CSMD3: variants seen among roughly 807,000 people sequenced by gnomAD.
CSMD3 encodes CUB and sushi domain-containing protein 3.
A neutral mutation model predicts 435.2 loss-of-function variants in CSMD3; 177 were observed. The ratio of observed to expected loss-of-function variants is 0.41; its 90% CI spans 0.36 to 0.46. The LOEUF is 0.46. CSMD3 is among the 20% of genes least tolerant of loss of function. The pLI is 0.34. For synonymous variants in CSMD3, 1,656 were observed against 1,520.5 expected (o/e 1.09, Z -2.07); for missense variants, 4,265 against 4,504.6 (o/e 0.95, Z 1.52).
chr8:112,420,009 T>C (rs1308753444), intron 32 of CSMD3, among the ~76,000 whole-genome samples: 2 of 152,230 alleles, frequency 1.3e-5, no homozygotes, highest in African/African-American at 4.8e-5. Context: ...TCAATTTGAA[T>C]GTGTGCTTTT....
rs868644256 is a variant in CSMD3 at position 112,304,824 on chromosome 8, T to G, written c.8163A>C (p.Val2721=). 1.9e-6 allele frequency: 3 copies of G among 1,613,876 alleles called. No individual in the cohort carries two copies. Among genetic ancestry groups the G allele is most frequent in the Middle Eastern group, 3.3e-4 (2 of 6,060 alleles). ...GATAACCAGGGTCACAGCTGAAAAC[T>G]ACTTTGGTTTTGTATTCATAATGGG... ...NGSHYEYKTK[V]VFSCDPGYHG... The change falls in exon 52 of 71, where the codon GTA becomes GTC. Residue 2721 remains valine, a synonymous_variant. Transcript: ENST00000297405.
intron 11 of CSMD3, among the ~76,000 whole-genome samples, chr8:112,832,600 CT>C (rs1369561462): frequency 6.6e-6 from 1 of 152,086 alleles, no homozygotes; most frequent in East Asian, 1.9e-4. Context: ...CCTTTAGGAG[CT>C]GAGGGCCTAA....
chr8:113,068,628 T>A (rs1235159421), intron 5 of CSMD3, among the ~76,000 whole-genome samples: 6 of 152,090 alleles, frequency 3.9e-5, no homozygotes, highest in Non-Finnish European at 5.9e-5. Flanking sequence ...GAAGTACAAA[T>A]TAAGAGGTCC....
At chr8:112,331,430 G>A (rs1008685793) in intron 45 of CSMD3, among the ~76,000 whole-genome samples, 25 of 151,906 alleles carry the variant, frequency 1.6e-4, no homozygotes, top group African/African-American at 6.0e-4. Flanking sequence ...TCATTGCAGA[G>A]AGCTTTCATT....
chr8:113,215,561 T>G (rs896867892), intron 3 of CSMD3, among the ~76,000 whole-genome samples: 22 of 151,902 alleles, frequency 1.4e-4, no homozygotes, highest in Non-Finnish European at 1.8e-4. Flanking sequence ...TCAGACAGAC[T>G]TTGGATCATT....
chr8:112,804,910 G>A (rs1444016893), intron 12 of CSMD3, among the ~76,000 whole-genome samples: 13 of 151,964 alleles, frequency 8.6e-5, no homozygotes, highest in Admixed American at 5.2e-4. Context: ...TGATCTGCCC[G>A]CCTCAGCCTC....
intron 32 of CSMD3, among the ~76,000 whole-genome samples, chr8:112,455,853 G>T (rs1816783629): frequency 6.6e-6 from 1 of 151,772 alleles, no homozygotes. Flanking sequence ...TGTAGATGAT[G>T]CAAGCTGGGA....
At chr8:112,323,411 T>C (rs1020963951) in intron 45 of CSMD3, among the ~76,000 whole-genome samples, 1 of 152,102 alleles carries the variant, frequency 6.6e-6, no homozygotes, top group Admixed American at 6.6e-5. Flanking sequence ...CTAAAATTCA[T>C]GCCTTTCCTG....
chr8:113,352,967 T>C (rs1408914144), intron 1 of CSMD3, among the ~76,000 whole-genome samples: 1 of 152,136 alleles, frequency 6.6e-6, no homozygotes, highest in East Asian at 1.9e-4. Flanking sequence ...AAAGAGGTGA[T>C]ACTAATTACT....
chr8:113,191,243 T>C (rs2092580647), intron 3 of CSMD3, among the ~76,000 whole-genome samples: 1 of 151,798 alleles, frequency 6.6e-6, no homozygotes, highest in Non-Finnish European at 1.5e-5. Context: ...TAGAAATGTT[T>C]TTCAACTTTT....
intron 2 of CSMD3, 25 bp from the exon 3 acceptor site, chr8:113,278,729 T>C (rs2132459974): frequency 9.8e-7 from 1 of 1,025,146 alleles, no homozygotes. Context: ...AATTAATTGT[T>C]AGAGACATAA....
intron 1 of CSMD3, among the ~76,000 whole-genome samples, chr8:113,428,073 T>A (rs2094646584): frequency 6.6e-6 from 1 of 151,736 alleles, no homozygotes; most frequent in African/African-American, 2.4e-5. Context: ...TTGCTTACTA[T>A]CGCTTATAAA....
chr8:112,569,258 T>C (rs1218393440), intron 24 of CSMD3, among the ~76,000 whole-genome samples: 1 of 152,122 alleles, frequency 6.6e-6, no homozygotes, highest in Non-Finnish European at 1.5e-5. Flanking sequence ...AAGTGAACCC[T>C]CTAGGCATGC....
In CSMD3 at chr8:112,281,364, T is replaced by C; in HGVS notation, c.9332-14A>G. 1 of 1,605,998 alleles carries C rather than the reference T, an allele frequency of 6.2e-7. No homozygotes were observed. The highest frequency in any genetic ancestry group is 8.5e-7 in the Non-Finnish European group (1 of 1,173,110). On this transcript the variant is annotated splice_polypyrimidine_tract_variant and intron_variant, in intron 58 of 70. Coordinates refer to ENST00000297405, the MANE Select transcript of CSMD3 (RefSeq NM_198123.2). ...CACACTGCACAGCTATAAAACAAAGTGTTTAAGAGTATATATAAAAAATGC... is the reference window on the plus strand; with the variant it reads ...CACACTGCACAGCTATAAAACAAAGCGTTTAAGAGTATATATAAAAAATGC...
chr8:112,887,050 C>T (rs578135893), intron 10 of CSMD3, among the ~76,000 whole-genome samples: 42 of 151,686 alleles, frequency 2.8e-4, no homozygotes, highest in Admixed American at 4.6e-4. Context: ...AAATGAGTCA[C>T]TGAATCTCTC....
At chr8:112,784,500 A>G (rs2078485522) in intron 13 of CSMD3, among the ~76,000 whole-genome samples, 1 of 151,930 alleles carries the variant, frequency 6.6e-6, no homozygotes, top group Non-Finnish European at 1.5e-5. Flanking sequence ...TTCAAAAAGA[A>G]GCAAAATAAA....
chr8:113,074,624 C>A (rs1392750565), intron 5 of CSMD3, among the ~76,000 whole-genome samples: 1 of 151,832 alleles, frequency 6.6e-6, no homozygotes. Context: ...GACCACAGAG[C>A]AAAGAAGGCT....
intron 2 of CSMD3, chr8:113,309,914 G>A (rs920779237): frequency 1.3e-5 from 2 of 152,182 alleles, no homozygotes; most frequent in Non-Finnish European, 2.9e-5. Flanking sequence ...TGATATAGGA[G>A]AAGAATCCTT....
intron 1 of CSMD3, among the ~76,000 whole-genome samples, chr8:113,402,293 T>C (rs1376505164): frequency 6.6e-6 from 1 of 151,480 alleles, no homozygotes; most frequent in Non-Finnish European, 1.5e-5. Flanking sequence ...AGTAAGATGA[T>C]ACTAATTTGA....
Sources: gnomAD v4.1 joint callset for allele counts (sites outside exome capture counted in the v4.1 genomes callset) on GRCh38, gnomAD v4.1.1 for gene constraint, MANE v1.5 for transcripts, NCBI Gene and HGNC (gene_info 2026-07-23, HGNC 2026-07-21) for gene names.